The following CBLN2 variants were observed in gnomAD, a reference collection of about 807,000 sequenced individuals.
CBLN2 encodes the protein cerebellin 2 precursor.
Under a neutral mutation model 15.0 loss-of-function variants are expected in CBLN2, and 7 were observed. That is an observed-to-expected ratio of 0.47 (90% confidence interval 0.27 to 0.88). The LOEUF is 0.88. Ranked by LOEUF, CBLN2 falls within the 40% of genes least tolerant of loss-of-function variation. CBLN2 has a pLI of 0.14. For synonymous variants in CBLN2, 149 were observed against 135.2 expected (o/e 1.10, Z -0.71); for missense variants, 242 against 304.5 (o/e 0.79, Z 1.53).
intron 1 of CBLN2, among the ~76,000 whole-genome samples, chr18:72,592,778 T>A (rs1568126337): frequency 6.6e-6 from 1 of 152,150 alleles, no homozygotes; most frequent in African/African-American, 2.4e-5. Flanking sequence ...GTTCTTGGTA[T>A]CTTTGTCAAA....
chr18:72,537,342 A>G lies in CBLN2; in HGVS notation c.*834T>C, dbSNP rs1267045456. 1 of 152,172 alleles carries G rather than the reference A, an allele frequency of 6.6e-6. No individual in the cohort carries two copies. Among genetic ancestry groups the G allele is most frequent in the African/African-American group, 2.4e-5 (1 of 41,450 alleles). The allele number at this position is 152,172 out of a possible 1,614,324, so 9.4% of individuals were successfully genotyped here. ...CAGAATTGTCCATTGTGTTACTTTT[A>G]CTTTGATAAACAGATACTTTTTGTT... On this transcript the variant is annotated 3_prime_UTR_variant, in exon 5 of 5. Coordinates refer to ENST00000269503, the MANE Select transcript of CBLN2 (RefSeq NM_182511.4).
intron 1 of CBLN2, among the ~76,000 whole-genome samples, chr18:72,595,982 T>G (rs944678964): frequency 6.6e-6 from 1 of 152,126 alleles, no homozygotes; most frequent in Non-Finnish European, 1.5e-5. Context: ...TTTCAGCCAC[T>G]ACATGTCTTT....
intron 1 of CBLN2, among the ~76,000 whole-genome samples, chr18:72,624,266 G>C (rs1367647003): frequency 6.6e-6 from 1 of 151,208 alleles, no homozygotes; most frequent in East Asian, 1.9e-4. Context: ...GCATACTCCA[G>C]ACCCATCTCC....
At chr18:72,555,083 C>T (rs570439926) in intron 1 of CBLN2, among the ~76,000 whole-genome samples, 7 of 151,178 alleles carry the variant, frequency 4.6e-5, no homozygotes, top group Admixed American at 2.0e-4. Context: ...TGCAGTGAGC[C>T]GAGATCATGC....
rs150379626 is a variant in CBLN2, at chr18:72,571,004, T to C, written c.16-32232A>G. ...ACCTTATATCTCTCTCTATATATTATATTTGTTTGGATGTTTATCATATTA... is the reference window on the plus strand; with the variant it reads ...ACCTTATATCTCTCTCTATATATTACATTTGTTTGGATGTTTATCATATTA... On this transcript the variant is annotated intron_variant, in intron 1 of 2. Coordinates refer to the CBLN2 transcript ENST00000581073. 9.2e-3 allele frequency among the ~76,000 whole-genome samples: 1,399 copies of C among 152,266 alleles called. 23 individuals are homozygous for C. The highest frequency in any genetic ancestry group is 0.032 in the African/African-American group (1,315 of 41,548).
chr18:72,602,106 T>C (rs1261507819), intron 1 of CBLN2, among the ~76,000 whole-genome samples: 1 of 152,178 alleles, frequency 6.6e-6, no homozygotes, highest in African/African-American at 2.4e-5. Context: ...TTTGGCTCCA[T>C]TGTTTGAAGC....
chr18:72,541,184 A>G (rs1223416887), intron 3 of CBLN2, among the ~76,000 whole-genome samples: 3 of 152,104 alleles, frequency 2.0e-5, no homozygotes, highest in Non-Finnish European at 4.4e-5. Context: ...CATTATATAT[A>G]TTGCATTTGC....
At chr18:72,552,514 C>G (rs1413606222) in intron 1 of CBLN2, 1 of 151,952 alleles carries the variant, frequency 6.6e-6, no homozygotes, top group African/African-American at 2.4e-5. Context: ...CAAAACAACC[C>G]TTCTGTAATA....
chr18:72,598,875 C>G (rs1281783311), intron 1 of CBLN2, among the ~76,000 whole-genome samples: 1 of 152,216 alleles, frequency 6.6e-6, no homozygotes, highest in Non-Finnish European at 1.5e-5. Context: ...GCTGCACTCT[C>G]TCTCCTCTAA....
At chr18:72,545,214 C>G (rs1210063121), upstream of CBLN2, among the ~76,000 whole-genome samples, 3 of 152,148 alleles carry the variant, frequency 2.0e-5, no homozygotes, top group African/African-American at 7.2e-5. Context: ...AAGGCATCAT[C>G]TCTAAGCACT....
chr18:72,547,999 C>T (rs1305895044), upstream of CBLN2, among the ~76,000 whole-genome samples: 1 of 152,126 alleles, frequency 6.6e-6, no homozygotes, highest in African/African-American at 2.4e-5. Context: ...AGCAACAGAT[C>T]ATAGGGTACG....
intron 1 of CBLN2, among the ~76,000 whole-genome samples, chr18:72,614,527 T>C (rs1392531857): frequency 1.3e-5 from 2 of 152,138 alleles, no homozygotes. Flanking sequence ...TTTATTCCAT[T>C]GGATTTGGTG....
upstream of CBLN2, among the ~76,000 whole-genome samples, chr18:72,548,322 C>A (rs538588029): frequency 6.6e-6 from 1 of 152,246 alleles, no homozygotes; most frequent in South Asian, 2.1e-4. Context: ...TCGAATAGGA[C>A]CTTTTTGTTG....
intron 1 of CBLN2, among the ~76,000 whole-genome samples, chr18:72,605,867 A>G (rs2069580379): frequency 2.0e-5 from 3 of 152,370 alleles, no homozygotes; most frequent in Admixed American, 1.3e-4. Flanking sequence ...TTGTCTACAC[A>G]TCAGTGCACA....
intron 1 of CBLN2, among the ~76,000 whole-genome samples, chr18:72,621,189 G>A (rs777702610): frequency 2.0e-5 from 3 of 152,132 alleles, no homozygotes; most frequent in Admixed American, 1.3e-4. Context: ...AGGTATTTAA[G>A]TATTGACTTG....
At chr18:72,574,344 A>G (rs2069351142) in intron 1 of CBLN2, among the ~76,000 whole-genome samples, 1 of 152,108 alleles carries the variant, frequency 6.6e-6, no homozygotes. Flanking sequence ...CGCCACTTAC[A>G]AGGTCATTTC....
intron 1 of CBLN2, among the ~76,000 whole-genome samples, chr18:72,617,892 T>TTAAGAAA (rs1568133375): frequency 6.6e-6 from 1 of 151,800 alleles, no homozygotes; most frequent in Non-Finnish European, 1.5e-5. Context: ...AAAAAGAGAG[T>TTAAGAAA]AATTATGTTG....
intron 1 of CBLN2, among the ~76,000 whole-genome samples, chr18:72,583,216 A>G (rs1314063691): frequency 6.6e-6 from 1 of 152,272 alleles, no homozygotes; most frequent in African/African-American, 2.4e-5. Flanking sequence ...AAAATTTCCA[A>G]TCCTTTTTGT....
rs77955517 is a variant in CBLN2, at chr18:72,592,870, C to T, written c.15+45455G>A. ...CTTTGTACCTTTTTTATACCACTAC[C>T]GTGTTGTTTTGGTTACAATAGCTCT... On this transcript the variant is annotated intron_variant, in intron 1 of 2. Coordinates refer to the CBLN2 transcript ENST00000581073. Among the ~76,000 whole-genome samples the T allele has an allele frequency of 6.3e-3, 959 of 152,144 alleles. 7 individuals carry two copies. Among genetic ancestry groups the T allele is most frequent in the Middle Eastern group, 0.044 (13 of 294 alleles).
Sources: gnomAD v4.1 joint callset for allele counts (sites outside exome capture counted in the v4.1 genomes callset) on GRCh38, gnomAD v4.1.1 for gene constraint, MANE v1.5 for transcripts, NCBI Gene and HGNC (gene_info 2026-07-23, HGNC 2026-07-21) for gene names.